EXOC2: variants seen among roughly 807,000 people sequenced by gnomAD.
EXOC2 encodes SEC5-like 1.
A neutral mutation model predicts 131.8 loss-of-function variants in EXOC2; 70 were observed. The ratio of observed to expected loss-of-function variants is 0.53; its 90% CI spans 0.44 to 0.65. The LOEUF is 0.65. Ranked by LOEUF, EXOC2 falls within the 30% of genes least tolerant of loss-of-function variation. The pLI is 0.00. For missense variants in EXOC2, 923 were observed against 1,108.6 expected (o/e 0.83, Z 2.38); for synonymous variants, 411 against 398.4 (o/e 1.03, Z -0.38).
chr6:519,090 C>T (rs1461805332), intron 23 of EXOC2, among the ~76,000 whole-genome samples: 8 of 144,746 alleles, frequency 5.5e-5, no homozygotes, highest in African/African-American at 2.1e-4. Context: ...CGAGCGCCGA[C>T]ACTCACCGTC....
chr6:494,918 C>T lies in EXOC2; in HGVS notation c.2559+2449G>A, dbSNP rs117624642. 1.5e-3 allele frequency among the ~76,000 whole-genome samples: 234 copies of T among 152,234 alleles called. 1 individual carries two copies. The East Asian group carries it at 0.019, about 13-fold the overall frequency. ...TTTTTGAGAAAGGGTGTCACTCTGT[C>T]GCCCAGTCTGGATGCAGTAGCACGA... On this transcript the variant is annotated intron_variant, in intron 25 of 27. Coordinates refer to ENST00000230449, the MANE Select transcript of EXOC2 (RefSeq NM_018303.6).
intron 4 of EXOC2, among the ~76,000 whole-genome samples, chr6:619,972 A>G (rs1215494800): frequency 6.6e-6 from 1 of 152,256 alleles, no homozygotes; most frequent in Non-Finnish European, 1.5e-5. Flanking sequence ...GTTAAAACCT[A>G]GATGAAAGTT....
intron 23 of EXOC2, among the ~76,000 whole-genome samples, chr6:515,813 C>T (rs965070131): frequency 8.5e-5 from 13 of 152,302 alleles, no homozygotes; most frequent in African/African-American, 2.2e-4. Context: ...AAAGGAGAGA[C>T]GCACACAGCT....
chr6:614,182 C>G (rs540084610), intron 6 of EXOC2, among the ~76,000 whole-genome samples: 5 of 151,936 alleles, frequency 3.3e-5, no homozygotes, highest in Admixed American at 6.6e-5. Flanking sequence ...CTGTGGACCA[C>G]GGGCCACACT....
At chr6:570,259 G>C (rs566429233) in intron 13 of EXOC2, among the ~76,000 whole-genome samples, 1 of 145,680 alleles carries the variant, frequency 6.9e-6, no homozygotes, top group Non-Finnish European at 1.5e-5. Flanking sequence ...TCAGCCTCCC[G>C]AGTAGCTGCA....
intron 23 of EXOC2, among the ~76,000 whole-genome samples, chr6:503,546 G>C (rs1018785870): frequency 1.3e-5 from 2 of 152,112 alleles, no homozygotes; most frequent in Non-Finnish European, 2.9e-5. Flanking sequence ...AATCTCTCTT[G>C]TAACTGCTAA....
intron 1 of EXOC2, among the ~76,000 whole-genome samples, chr6:685,869 C>CTTTTTTTTTTTTTTTTTTTTTTTTTT (rs58892194): frequency 9.2e-5 from 9 of 98,256 alleles, no homozygotes; most frequent in Non-Finnish European, 1.6e-4. Context: ...TCCTGGACCT[C>CTTTTTTTTTTTTTTTTTTTTTTTTTT]TTTTTTTTTT....
chr6:605,615 A>T (rs998469438), intron 7 of EXOC2, among the ~76,000 whole-genome samples: 1 of 152,068 alleles, frequency 6.6e-6, no homozygotes, highest in East Asian at 1.9e-4. Context: ...TAGTCTTGCT[A>T]GCGGTTTATC....
At chr6:567,443 T>G (rs1190601656) in intron 13 of EXOC2, among the ~76,000 whole-genome samples, 1 of 152,240 alleles carries the variant, frequency 6.6e-6, no homozygotes, top group Admixed American at 6.5e-5. Context: ...TTTGTTTCTT[T>G]TATAGCTGTT....
At chr6:543,584 T>C (rs1024336826) in intron 22 of EXOC2, among the ~76,000 whole-genome samples, 6 of 152,174 alleles carry the variant, frequency 3.9e-5, no homozygotes, top group Non-Finnish European at 8.8e-5. Context: ...CAAAGGTAAG[T>C]TGGTGAGGTG....
intron 25 of EXOC2, among the ~76,000 whole-genome samples, chr6:493,836 TGGC>T (rs1488245002): frequency 1.3e-5 from 2 of 152,224 alleles, no homozygotes; most frequent in African/African-American, 4.8e-5. Context: ...AACAGTTTGA[TGGC>T]CAGTAGTTTC....
intron 1 of EXOC2, among the ~76,000 whole-genome samples, chr6:650,734 C>G (rs1762791153): frequency 6.6e-6 from 1 of 152,072 alleles, no homozygotes; most frequent in Non-Finnish European, 1.5e-5. Flanking sequence ...AAAGACTAAA[C>G]TGTAAAATTA....
intron 25 of EXOC2, among the ~76,000 whole-genome samples, chr6:493,747 C>A (rs980976849): frequency 1.3e-5 from 2 of 152,082 alleles, no homozygotes; most frequent in East Asian, 3.9e-4. Context: ...GAGAGTGAAG[C>A]GGGAGTTTAG....
intron 22 of EXOC2, among the ~76,000 whole-genome samples, chr6:533,721 C>T (rs1766247597): frequency 6.6e-6 from 1 of 152,070 alleles, no homozygotes. Context: ...GAGGCAGAGA[C>T]CCAAGCATGG....
At chr6:630,928 C>T (rs1461029790) in intron 3 of EXOC2, among the ~76,000 whole-genome samples, 2 of 152,196 alleles carry the variant, frequency 1.3e-5, no homozygotes, top group Admixed American at 6.5e-5. Context: ...AACAAGACAA[C>T]ATAAGCTCTA....
chr6:564,749 G>A (rs770693893), intron 14 of EXOC2, 47 bp from the exon 15 acceptor site: 133 of 1,571,240 alleles, frequency 8.5e-5, no homozygotes, highest in Non-Finnish European at 1.0e-4. Context: ...GTGATTAATC[G>A]GGTTACATTA....
At chr6:600,090 G>A (rs998321214) in intron 7 of EXOC2, among the ~76,000 whole-genome samples, 1 of 152,140 alleles carries the variant, frequency 6.6e-6, no homozygotes, top group African/African-American at 2.4e-5. Context: ...TTTAAGCAAA[G>A]ATGAAAAAAT....
chr6:595,483 G>A lies in EXOC2; in HGVS notation c.1073+2538C>T, dbSNP rs570753884. Reference sequence around the variant, plus strand: ...CAAATACATAAACTATTGTTGACTTGTTTATATTTTTGCTCTTTTGCCTTT... The same window carrying A: ...CAAATACATAAACTATTGTTGACTTATTTATATTTTTGCTCTTTTGCCTTT... On this transcript the variant is annotated intron_variant, in intron 10 of 27. Coordinates refer to ENST00000230449, the MANE Select transcript of EXOC2 (RefSeq NM_018303.6). Among the ~76,000 whole-genome samples, 232 of 152,072 alleles carry A rather than the reference G, an allele frequency of 1.5e-3. 4 individuals are homozygous for A. Among genetic ancestry groups the A allele is most frequent in the African/African-American group, 5.4e-3 (223 of 41,372 alleles).
intron 11 of EXOC2, among the ~76,000 whole-genome samples, chr6:580,079 T>C (rs1057120295): frequency 6.6e-6 from 1 of 151,522 alleles, no homozygotes; most frequent in Non-Finnish European, 1.5e-5. Context: ...TGTCACTCTG[T>C]TGCCCAAGCT....
Sources: allele counts gnomAD v4.1 joint callset (sites outside exome capture counted in the v4.1 genomes callset), GRCh38; gene constraint gnomAD v4.1.1; transcripts MANE v1.5; gene names NCBI Gene and HGNC (gene_info 2026-07-23, HGNC 2026-07-21).